CNTNAP2: variants seen among roughly 807,000 people sequenced by gnomAD.
CNTNAP2 encodes contactin associated protein 2, also known as contactin-associated protein-like 2.
A neutral mutation model predicts 155.2 loss-of-function variants in CNTNAP2; 98 were observed. The ratio of observed to expected loss-of-function variants is 0.63; its 90% CI spans 0.54 to 0.75. The LOEUF (loss-of-function observed/expected upper bound fraction) is 0.75, where lower values mean the gene tolerates loss of function less well. CNTNAP2 is among the 30% of genes least tolerant of loss of function. The pLI, the probability that CNTNAP2 is intolerant of heterozygous loss-of-function variation, is 0.00. For synonymous variants in CNTNAP2, 651 were observed against 631.2 expected, an observed-to-expected ratio of 1.03 and a Z score of -0.47; for missense variants, 1,727 against 1,688.1, an observed-to-expected ratio of 1.02 and a Z score of -0.40.
chr7:147,935,481 G>C (rs1295415180), intron 14 of CNTNAP2, among the ~76,000 whole-genome samples: 3 of 152,082 alleles, frequency 2.0e-5, no homozygotes, highest in African/African-American at 4.8e-5. Flanking sequence ...GTATTTATTT[G>C]CATCAACTCA....
intron 1 of CNTNAP2, among the ~76,000 whole-genome samples, chr7:146,629,772 T>G (rs1563163587): frequency 6.6e-6 from 1 of 152,072 alleles, no homozygotes. Context: ...GCATGAGTAA[T>G]AACAACAAGA....
chr7:146,641,587 T>C (rs1353160355), intron 1 of CNTNAP2, among the ~76,000 whole-genome samples: 2 of 152,238 alleles, frequency 1.3e-5, no homozygotes, highest in Non-Finnish European at 2.9e-5. Flanking sequence ...TTTAGCTCTT[T>C]CTACTCTTTA....
chr7:146,976,634 A>G (rs1032911601), intron 3 of CNTNAP2, among the ~76,000 whole-genome samples: 3 of 152,160 alleles, frequency 2.0e-5, no homozygotes, highest in African/African-American at 7.2e-5. Context: ...CTTTGGGGAC[A>G]TCACCCTCTA....
intron 13 of CNTNAP2, among the ~76,000 whole-genome samples, chr7:147,775,267 TTATATATATATTTATAAATATATATA>T (rs1797547456): frequency 1.4e-5 from 1 of 73,726 alleles, no homozygotes. Context: ...ATAAATATAT[TTATATATATATTTATAAATATATATA>T]TTTATATATA....
At chr7:146,548,026 G>T (rs972347844) in intron 1 of CNTNAP2, among the ~76,000 whole-genome samples, 4 of 151,452 alleles carry the variant, frequency 2.6e-5, no homozygotes, top group Non-Finnish European at 5.9e-5. Context: ...GTAAACTTTT[G>T]TCATGGGGGT....
intron 10 of CNTNAP2, among the ~76,000 whole-genome samples, chr7:147,424,042 C>T (rs1444103955): frequency 1.3e-5 from 2 of 152,156 alleles, no homozygotes; most frequent in African/African-American, 4.8e-5. Context: ...GGGAAAACCA[C>T]ACACCTATGC....
At chr7:146,636,912 G>T (rs1273980642) in intron 1 of CNTNAP2, among the ~76,000 whole-genome samples, 1 of 152,144 alleles carries the variant, frequency 6.6e-6, no homozygotes, top group East Asian at 1.9e-4. Flanking sequence ...AACTGAAATT[G>T]ACCCTACAGT....
At chr7:146,442,928 C>A (rs1195967064) in intron 1 of CNTNAP2, among the ~76,000 whole-genome samples, 1 of 151,994 alleles carries the variant, frequency 6.6e-6, no homozygotes, top group African/African-American at 2.4e-5. Context: ...AAACATGGGC[C>A]GGGCGCGGTG....
chr7:147,298,663 AAT>A lies in CNTNAP2; in HGVS notation c.1349-1476_1349-1475del, dbSNP rs574594322. ...TTCCTATAAAGGAGCACATGTAGTAAATAGCCTAGGCTTTATGAACTACATAG... is the reference window on the plus strand; with the variant it reads ...TTCCTATAAAGGAGCACATGTAGTAAAGCCTAGGCTTTATGAACTACATAG... On this transcript the variant is annotated intron_variant, in intron 8 of 23. Coordinates refer to ENST00000361727, the MANE Select transcript of CNTNAP2 (RefSeq NM_014141.6). 2.0e-5 allele frequency among the ~76,000 whole-genome samples: 3 copies of A among 152,352 alleles called. No individual in the cohort carries two copies. The South Asian group carries it at 6.2e-4, about 32-fold the overall frequency.
intron 1 of CNTNAP2, among the ~76,000 whole-genome samples, chr7:146,287,895 A>G (rs1554411495): frequency 6.6e-6 from 1 of 152,194 alleles, no homozygotes; most frequent in Non-Finnish European, 1.5e-5. Flanking sequence ...TGCTTTGTAA[A>G]TGTTACATCT....
At chr7:146,668,758 C>G (rs1263041779) in intron 1 of CNTNAP2, among the ~76,000 whole-genome samples, 1 of 152,028 alleles carries the variant, frequency 6.6e-6, no homozygotes, top group Non-Finnish European at 1.5e-5. Flanking sequence ...TATCCACATC[C>G]TCTAGGTTTT....
At chr7:146,165,376 A>G (rs1285510124) in intron 1 of CNTNAP2, among the ~76,000 whole-genome samples, 1 of 152,206 alleles carries the variant, frequency 6.6e-6, no homozygotes, top group East Asian at 1.9e-4. Context: ...AACGTGGAAT[A>G]TGTTTGCTAC....
intron 10 of CNTNAP2, among the ~76,000 whole-genome samples, chr7:147,429,097 T>C (rs1243735539): frequency 6.6e-6 from 1 of 152,096 alleles, no homozygotes; most frequent in Non-Finnish European, 1.5e-5. Context: ...TTTCTGTGAA[T>C]GCCATTATTT....
At chr7:147,558,697 TTTCCTTCCTTCCTTCC>T (rs151097268) in intron 11 of CNTNAP2, among the ~76,000 whole-genome samples, 38 of 148,932 alleles carry the variant, frequency 2.6e-4, no homozygotes, top group African/African-American at 4.5e-4. Flanking sequence ...TCGTTCGTTC[TTTCCTTCCTTCCTTCC>T]TTCCTTCCTT....
At chr7:147,258,560 GT>G (rs1804381258) in intron 8 of CNTNAP2, among the ~76,000 whole-genome samples, 1 of 151,916 alleles carries the variant, frequency 6.6e-6, no homozygotes, top group African/African-American at 2.4e-5. Context: ...GAAATGTCCA[GT>G]CCCCTGAATG....
intron 21 of CNTNAP2, among the ~76,000 whole-genome samples, chr7:148,267,392 C>T (rs1037881607): frequency 7.9e-5 from 12 of 151,876 alleles, no homozygotes; most frequent in African/African-American, 2.4e-4. Flanking sequence ...TGGTGGGTCA[C>T]GCCTGTAATC....
chr7:146,816,887 T>A (rs1413606802), intron 2 of CNTNAP2, among the ~76,000 whole-genome samples: 1 of 152,224 alleles, frequency 6.6e-6, no homozygotes, highest in African/African-American at 2.4e-5. Flanking sequence ...TACAGCTGTT[T>A]CAAGGATTAG....
At chr7:147,486,197 A>G (rs966561288) in intron 11 of CNTNAP2, among the ~76,000 whole-genome samples, 156 bp downstream of exon 11, 1 of 140,056 alleles carries the variant, frequency 7.1e-6, no homozygotes, top group Non-Finnish European at 1.6e-5. Flanking sequence ...AAAAAAAAAA[A>G]AATAAAATAC....
Position 147,137,816 on chromosome 7 carries a change from A to G in CNTNAP2, c.1348+5307A>G, listed in dbSNP as rs530804049. Among the ~76,000 whole-genome samples, 74 of 151,866 alleles carry G rather than the reference A, an allele frequency of 4.9e-4. 1 individual carries two copies. Among genetic ancestry groups the G allele is most frequent in the African/African-American group, 1.7e-3 (69 of 41,488 alleles). On this transcript the variant is annotated intron_variant, in intron 8 of 23. Coordinates refer to ENST00000361727, the MANE Select transcript of CNTNAP2 (RefSeq NM_014141.6). ...TATGTAATTTTAAAACTATTTTTCA[A>G]CCTGGGTAAATAATTGGATAGATAA...
Sources: allele counts gnomAD v4.1 joint callset (sites outside exome capture counted in the v4.1 genomes callset), GRCh38; gene constraint gnomAD v4.1.1; transcripts MANE v1.5; gene names NCBI Gene and HGNC (gene_info 2026-07-23, HGNC 2026-07-21).